Variants in RAPH1 observed in about 807,000 individuals in gnomAD.
RAPH1 encodes the protein ras-associated and pleckstrin homology domains-containing protein 1.
RAPH1 carries 18 observed loss-of-function variants against 88.1 expected under a neutral mutation model. The ratio of observed to expected loss-of-function variants is 0.20; its 90% CI spans 0.14 to 0.30. The LOEUF (loss-of-function observed/expected upper bound fraction) is 0.30, where lower values mean the gene tolerates loss of function less well. Ranked by LOEUF, RAPH1 falls within the 10% of genes least tolerant of loss-of-function variation. The pLI, the probability that RAPH1 is intolerant of heterozygous loss-of-function variation, is 1.00. For synonymous variants in RAPH1, 587 were observed against 559.0 expected, an observed-to-expected ratio of 1.05 and a Z score of -0.71; for missense variants, 1,448 against 1,543.2, an observed-to-expected ratio of 0.94 and a Z score of 1.03.
rs766180527 is a variant in RAPH1, at chr2:203,438,977, T to C, written c.*460A>G. ...TCTGGTGATTTTTCTCAACCAGAAA[T>C]AGCACATTCTACATCTATTCCTTAG... On this transcript the variant is annotated 3_prime_UTR_variant, in exon 14 of 14. Coordinates refer to ENST00000319170, the MANE Select transcript of RAPH1 (RefSeq NM_213589.3). The C allele has an allele frequency of 2.0e-4, 32 of 156,738 alleles. No homozygotes were observed. Among genetic ancestry groups the C allele is most frequent in the Non-Finnish European group, 3.5e-4 (25 of 70,564 alleles). 9.7% of individuals were successfully genotyped at this position (156,738 alleles called of 1,614,324 possible). A position where few individuals can be genotyped will look rare whatever the true frequency, so the allele number is the denominator to read the frequency against.
Position 203,459,952 on chromosome 2 carries a change from T to C in RAPH1, c.1047A>G (p.Ile349Met), listed in dbSNP as rs1231908579. The change falls in exon 7 of 14, where the codon ATA becomes ATG. Residue 349 changes from isoleucine to methionine, a missense_variant. Physicochemically the swap from Ile to Met is conservative, Grantham distance 10 (BLOSUM62 1). Around this residue, in one of 2 missense-constraint regions of RAPH1, gnomAD observed 513 missense variants for 653.1 expected, o/e 0.79. Transcript: ENST00000319170. ...CATATTTTTCTATACGCTCCATAAA[T>C]ATAAGCTTGTTTTGGCTATCTCTTG... ...NWTRDSQNKL[I>M]FMERIEKYAL... The C allele has an allele frequency of 1.2e-6, 2 of 1,613,190 alleles. No individual in the cohort carries two copies. The highest frequency in any genetic ancestry group is 1.7e-6 in the Non-Finnish European group (2 of 1,179,298).
chr2:203,475,009 G>A (rs914102936), intron 4 of RAPH1, among the ~76,000 whole-genome samples: 4 of 152,210 alleles, frequency 2.6e-5, no homozygotes, highest in African/African-American at 4.8e-5. Flanking sequence ...TACTTGGGAC[G>A]CTGAGGCGGG....
At chr2:203,465,294 A>C (rs191010317) in intron 4 of RAPH1, among the ~76,000 whole-genome samples, 2 of 152,228 alleles carry the variant, frequency 1.3e-5, no homozygotes, top group Non-Finnish European at 2.9e-5. Flanking sequence ...TGACAATGGA[A>C]TATTATTCAG....
intron 4 of RAPH1, among the ~76,000 whole-genome samples, chr2:203,475,989 A>C (rs1041999448): frequency 1.3e-5 from 2 of 152,204 alleles, no homozygotes; most frequent in Non-Finnish European, 2.9e-5. Context: ...TATTATTTAC[A>C]AATTTCACTT....
intron 5 of RAPH1, among the ~76,000 whole-genome samples, chr2:203,461,628 G>A (rs1186877490): frequency 6.6e-6 from 1 of 152,124 alleles, no homozygotes; most frequent in Non-Finnish European, 1.5e-5. Flanking sequence ...AGGTTATAAT[G>A]TTATGATTAC....
In RAPH1 at chr2:203,499,667, C is replaced by T. The variant is rs1688656568; in HGVS notation, c.1-4314G>A. 3.9e-5 allele frequency among the ~76,000 whole-genome samples: 6 copies of T among 152,182 alleles called. 1 individual carries two copies. The South Asian group carries it at 1.2e-3, about 32-fold the overall frequency. On this transcript the variant is annotated intron_variant, in intron 1 of 13. Coordinates refer to ENST00000319170, the MANE Select transcript of RAPH1 (RefSeq NM_213589.3). The stretch of plus-strand genomic sequence containing the variant: ...GGCAGAGGCTGCAGTGAGCCAAGAT[C>T]GTGCCATTGCTCTCCAGCCTGAGTG...
intron 3 of RAPH1, among the ~76,000 whole-genome samples, chr2:203,490,936 C>T (rs1017207696): frequency 1.3e-5 from 2 of 149,900 alleles, no homozygotes; most frequent in African/African-American, 4.9e-5. Flanking sequence ...CCCAGCTACT[C>T]GGGAGGCTGG....
intron 1 of RAPH1, among the ~76,000 whole-genome samples, chr2:203,503,390 G>A (rs1279043763): frequency 6.6e-6 from 1 of 152,082 alleles, no homozygotes; most frequent in Admixed American, 6.6e-5. Context: ...CAGAATCATG[G>A]CAGTGGCAAG....
At chr2:203,449,116 A>G (rs2098512559) in intron 10 of RAPH1, among the ~76,000 whole-genome samples, 1 of 152,256 alleles carries the variant, frequency 6.6e-6, no homozygotes, top group African/African-American at 2.4e-5. Context: ...CTACATTTCA[A>G]AGAAACAAAG....
intron 4 of RAPH1, among the ~76,000 whole-genome samples, chr2:203,465,260 T>A (rs2098527574): frequency 6.6e-6 from 1 of 152,140 alleles, no homozygotes; most frequent in African/African-American, 2.4e-5. Flanking sequence ...ACCCAGTAAG[T>A]AATAAATAAA....
chr2:203,525,332 C>CCCA (rs1358215152), intron 1 of RAPH1, among the ~76,000 whole-genome samples: 1 of 151,828 alleles, frequency 6.6e-6, no homozygotes, highest in Non-Finnish European at 1.5e-5. Context: ...ATTACAGGCG[C>CCCA]CCACCACCAT....
chr2:203,507,492 T>G (rs1206495452), intron 1 of RAPH1, among the ~76,000 whole-genome samples: 3 of 152,156 alleles, frequency 2.0e-5, no homozygotes, highest in Non-Finnish European at 4.4e-5. Context: ...CTTAACCAAG[T>G]GACCAAAATA....
intron 4 of RAPH1, among the ~76,000 whole-genome samples, chr2:203,463,914 T>C (rs1238639447): frequency 2.0e-5 from 3 of 152,168 alleles, no homozygotes; most frequent in Non-Finnish European, 4.4e-5. Flanking sequence ...CAGAAACAAA[T>C]TGTTAGGTAA....
At chr2:203,463,201 C>CAAAAA (rs71007520) in intron 4 of RAPH1, among the ~76,000 whole-genome samples, 1 of 114,522 alleles carries the variant, frequency 8.7e-6, no homozygotes, top group Non-Finnish European at 1.9e-5. Context: ...GACTCCATCT[C>CAAAAA]AAAAAAAAAA....
intron 12 of RAPH1, chr2:203,445,906 G>A (rs2098509108): frequency 1.3e-5 from 2 of 151,996 alleles, no homozygotes; most frequent in Admixed American, 6.6e-5. Flanking sequence ...CTACATACCC[G>A]GCATCCAGTT....
intron 3 of RAPH1, 78 bp from the exon 4 acceptor site, chr2:203,490,167 C>G: frequency 3.0e-6 from 4 of 1,351,632 alleles, no homozygotes; most frequent in Non-Finnish European, 4.0e-6. Context: ...GGTGATGAAG[C>G]AAAAGAATAT....
rs959173318 is a variant in RAPH1, at chr2:203,439,292, G to A, written c.*145C>T. 27 of 673,822 alleles carry A rather than the reference G, an allele frequency of 4.0e-5. No individual in the cohort carries two copies. Among genetic ancestry groups the A allele is most frequent in the South Asian group, 2.0e-4 (11 of 54,942 alleles). 41.7% of individuals were successfully genotyped at this position (673,822 alleles called of 1,614,324 possible). A position where few individuals can be genotyped will look rare whatever the true frequency, so the allele number is the denominator to read the frequency against. ...ACTGTACAGCTGTGTGTACATGCAC[G>A]TGTACACACACACATACACATATAG... is the stretch of plus-strand genomic sequence containing the variant. On this transcript the variant is annotated 3_prime_UTR_variant, in exon 14 of 14. Coordinates refer to ENST00000319170, the MANE Select transcript of RAPH1 (RefSeq NM_213589.3).
chr2:203,444,122 TAAA>T (rs893596296), intron 13 of RAPH1: 1 of 143,268 alleles, frequency 7.0e-6, no homozygotes, highest in Non-Finnish European at 1.5e-5. Flanking sequence ...AAGAAAAGAA[TAAA>T]AAAGAAGAGA....
intron 10 of RAPH1, among the ~76,000 whole-genome samples, chr2:203,452,456 C>G (rs1421447126): frequency 1.3e-5 from 2 of 152,182 alleles, no homozygotes; most frequent in African/African-American, 2.4e-5. Flanking sequence ...TAACTCGTAT[C>G]TTTAAGGCTT....
Sources: gnomAD v4.1 joint callset for allele counts (sites outside exome capture counted in the v4.1 genomes callset) on GRCh38, gnomAD v4.1.1 for gene constraint, gnomAD v4.1.1 regional missense constraint, MANE v1.5 for transcripts, NCBI Gene and HGNC (gene_info 2026-07-23, HGNC 2026-07-21) for gene names.